SMYD3: variants seen among roughly 807,000 people sequenced by gnomAD.
The protein encoded by SMYD3 is histone-lysine N-methyltransferase SMYD3.
A neutral mutation model predicts 57.7 loss-of-function variants in SMYD3; 36 were observed. The ratio of observed to expected loss-of-function variants is 0.62; its 90% CI spans 0.48 to 0.82. The LOEUF (loss-of-function observed/expected upper bound fraction) is 0.82. Ranked by LOEUF, SMYD3 falls within the 40% of genes least tolerant of loss-of-function variation. The probability of loss-of-function intolerance (pLI) is 0.00; values close to 1 mark genes in which losing one functional copy is unlikely to be tolerated. For missense variants in SMYD3, 515 were observed against 538.8 expected (o/e 0.96, Z 0.44); for synonymous variants, 211 against 195.0 (o/e 1.08, Z -0.68).
chr1:246,380,129 C>T (rs1056702988), intron 1 of SMYD3, among the ~76,000 whole-genome samples: 13 of 152,020 alleles, frequency 8.6e-5, no homozygotes, highest in Non-Finnish European at 7.4e-5. Context: ...AGAGATAATA[C>T]AGTACATTAA....
At chr1:246,058,986 T>C (rs2060203526) in intron 5 of SMYD3, among the ~76,000 whole-genome samples, 1 of 152,020 alleles carries the variant, frequency 6.6e-6, no homozygotes, top group Non-Finnish European at 1.5e-5. Flanking sequence ...ACCATTCTCC[T>C]GCCTCAGCCT....
chr1:246,376,504 T>C (rs1248239224), intron 1 of SMYD3, among the ~76,000 whole-genome samples: 1 of 145,746 alleles, frequency 6.9e-6, no homozygotes, highest in East Asian at 2.1e-4. Context: ...GGCAGGAGAA[T>C]GGTGTGAACC....
intron 1 of SMYD3, among the ~76,000 whole-genome samples, chr1:246,465,013 C>A (rs2067861090): frequency 1.3e-5 from 2 of 152,280 alleles, no homozygotes; most frequent in African/African-American, 4.8e-5. Flanking sequence ...CTATGGATTT[C>A]TTTGTTCCTT....
intron 1 of SMYD3, among the ~76,000 whole-genome samples, chr1:246,487,117 G>A (rs1296177921): frequency 2.0e-5 from 3 of 152,138 alleles, no homozygotes; most frequent in Non-Finnish European, 4.4e-5. Flanking sequence ...AGCTTCCAGA[G>A]GAGGTAAAAA....
chr1:246,446,624 G>T (rs1274068693), intron 1 of SMYD3, among the ~76,000 whole-genome samples: 1 of 152,080 alleles, frequency 6.6e-6, no homozygotes, highest in Non-Finnish European at 1.5e-5. Context: ...ACTTATCTAC[G>T]ATTTAAATAG....
intron 11 of SMYD3, among the ~76,000 whole-genome samples, chr1:245,752,155 A>G (rs2045412842): frequency 6.6e-6 from 1 of 152,196 alleles, no homozygotes; most frequent in South Asian, 2.1e-4. Flanking sequence ...GCACTCTTAG[A>G]TGTTCTCTTC....
chr1:246,220,488 T>C (rs2063236266), intron 5 of SMYD3, among the ~76,000 whole-genome samples: 1 of 152,046 alleles, frequency 6.6e-6, no homozygotes, highest in South Asian at 2.1e-4. Flanking sequence ...TCCCTGCACT[T>C]TGGGGGGCCC....
chr1:245,967,342 T>G (rs2058181540), intron 5 of SMYD3, among the ~76,000 whole-genome samples: 1 of 152,168 alleles, frequency 6.6e-6, no homozygotes, highest in African/African-American at 2.4e-5. Context: ...ACCAGATAAG[T>G]TGAAAAGAAG....
chr1:245,911,538 G>A (rs762084082), intron 8 of SMYD3, among the ~76,000 whole-genome samples: 5 of 150,052 alleles, frequency 3.3e-5, no homozygotes, highest in Admixed American at 6.6e-5. Flanking sequence ...CACACACAAC[G>A]GAATATAGTT....
At chr1:245,953,083 A>G (rs1409205966) in intron 5 of SMYD3, 1 of 524,110 alleles carries the variant, frequency 1.9e-6, no homozygotes, top group African/African-American at 2.1e-5. Flanking sequence ...TGTGATCATG[A>G]AATCCCCAAA....
chr1:246,194,211 A>AG (rs201324230), intron 5 of SMYD3, among the ~76,000 whole-genome samples: 2 of 143,712 alleles, frequency 1.4e-5, no homozygotes, highest in Non-Finnish European at 2.9e-5. Flanking sequence ...ACACTTCCTA[A>AG]GGGGAAAAGT....
At chr1:246,120,503 C>T (rs2061408497) in intron 5 of SMYD3, among the ~76,000 whole-genome samples, 1 of 152,120 alleles carries the variant, frequency 6.6e-6, no homozygotes, top group African/African-American at 2.4e-5. Flanking sequence ...TTCAGTCTTT[C>T]TCCTCCTTCC....
At chr1:245,830,867 C>T (rs1348363937) in intron 10 of SMYD3, among the ~76,000 whole-genome samples, 2 of 152,146 alleles carry the variant, frequency 1.3e-5, no homozygotes, top group Admixed American at 1.3e-4. Flanking sequence ...CACCTCCTAA[C>T]CTCCACAGTG....
At chr1:246,046,453 C>T (rs1217813907) in intron 5 of SMYD3, among the ~76,000 whole-genome samples, 2 of 151,870 alleles carry the variant, frequency 1.3e-5, no homozygotes, top group Non-Finnish European at 2.9e-5. Flanking sequence ...GGAAGGGGAA[C>T]ATCACACACC....
chr1:246,063,467 A>C (rs4559466), intron 5 of SMYD3, among the ~76,000 whole-genome samples: 117,316 of 151,882 alleles, frequency 0.77, 45,808 homozygotes, highest in Admixed American at 0.83. Flanking sequence ...AGGGGGAAAC[A>C]CTTGCTGAAA....
At chr1:245,936,363 A>T (rs114751502) in intron 5 of SMYD3, among the ~76,000 whole-genome samples, 23 of 149,024 alleles carry the variant, frequency 1.5e-4, no homozygotes, top group Non-Finnish European at 3.0e-4. Context: ...ACGTAATCTT[A>T]TTTTTTTTTT....
intron 1 of SMYD3, among the ~76,000 whole-genome samples, chr1:246,426,656 G>A (rs1192391325): frequency 6.6e-6 from 1 of 152,090 alleles, no homozygotes; most frequent in Non-Finnish European, 1.5e-5. Context: ...CAATTACAAT[G>A]CCTCCAACTG....
intron 1 of SMYD3, chr1:246,417,268 C>G (rs1218591226): frequency 6.6e-6 from 1 of 152,218 alleles, no homozygotes; most frequent in African/African-American, 2.4e-5. Context: ...TCTGGCCTTT[C>G]TGTTACAGCC....
At chr1:246,036,539 C>CTTTTTTTTTTTTT (rs59062672) in intron 5 of SMYD3, among the ~76,000 whole-genome samples, 14 of 144,952 alleles carry the variant, frequency 9.7e-5, no homozygotes, top group Admixed American at 2.1e-4. Flanking sequence ...TTCTTTCTCT[C>CTTTTTTTTTTTTT]TTTTTTTTTT....
Sources: allele counts gnomAD v4.1 joint callset (sites outside exome capture counted in the v4.1 genomes callset), GRCh38; gene constraint gnomAD v4.1.1; transcripts MANE v1.5; gene names NCBI Gene and HGNC (gene_info 2026-07-23, HGNC 2026-07-21).